EPHA6: variants seen among roughly 807,000 people sequenced by gnomAD.
The protein encoded by EPHA6 is EPH receptor A6.
In EPHA6, 50 loss-of-function variants were observed where a neutral mutation model predicts 112.0. The ratio of observed to expected loss-of-function variants is 0.45; its 90% CI spans 0.36 to 0.56. The LOEUF (loss-of-function observed/expected upper bound fraction) is 0.56. EPHA6 is among the 20% of genes least tolerant of loss of function. The pLI, the probability that EPHA6 is intolerant of heterozygous loss-of-function variation, is 0.00. For synonymous variants in EPHA6, 529 were observed against 490.7 expected (o/e 1.08, Z -1.03); for missense variants, 1,280 against 1,417.4 (o/e 0.90, Z 1.56).
intron 3 of EPHA6, among the ~76,000 whole-genome samples, chr3:97,146,380 A>G (rs1346632037): frequency 1.3e-5 from 2 of 151,860 alleles, no homozygotes; most frequent in African/African-American, 2.4e-5. Flanking sequence ...ACTTAGTTCT[A>G]TTATTTCCAA....
At chr3:97,554,858 G>T (rs546558044) in intron 11 of EPHA6, among the ~76,000 whole-genome samples, 4 of 151,904 alleles carry the variant, frequency 2.6e-5, no homozygotes, top group Non-Finnish European at 5.9e-5. Flanking sequence ...TGCTAAACTT[G>T]GAGTGACTGC....
At chr3:97,281,218 TG>T (rs1156719421) in intron 5 of EPHA6, among the ~76,000 whole-genome samples, 2 of 142,662 alleles carry the variant, frequency 1.4e-5, no homozygotes, top group Non-Finnish European at 1.5e-5. Context: ...TGTGTGTGTG[TG>T]TGTGTGTGTG....
chr3:97,008,349 T>G (rs1389927147), intron 3 of EPHA6, among the ~76,000 whole-genome samples: 1 of 152,194 alleles, frequency 6.6e-6, no homozygotes, highest in African/African-American at 2.4e-5. Flanking sequence ...CTTATTTCAG[T>G]AAGGTGGTCT....
At chr3:96,924,673 T>A (rs527908071) in intron 2 of EPHA6, among the ~76,000 whole-genome samples, 3 of 152,240 alleles carry the variant, frequency 2.0e-5, no homozygotes, top group African/African-American at 7.2e-5. Context: ...CAGTACTATG[T>A]AGAATAGGAG....
intron 5 of EPHA6, among the ~76,000 whole-genome samples, chr3:97,338,812 G>A (rs1338597988): frequency 3.9e-5 from 6 of 152,154 alleles, no homozygotes; most frequent in African/African-American, 1.4e-4. Context: ...TGCCAAAAGG[G>A]TGAACAAGAC....
At chr3:97,602,111 A>G (rs913160537) in intron 12 of EPHA6, among the ~76,000 whole-genome samples, 12 of 152,040 alleles carry the variant, frequency 7.9e-5, no homozygotes, top group African/African-American at 2.7e-4. Flanking sequence ...CTGCTCTTTA[A>G]TGTTCTCATA....
At chr3:97,092,888 A>G (rs1215214080) in intron 3 of EPHA6, among the ~76,000 whole-genome samples, 1 of 152,120 alleles carries the variant, frequency 6.6e-6, no homozygotes, top group Non-Finnish European at 1.5e-5. Flanking sequence ...TCTATGGCTT[A>G]ACCAATAAAA....
At chr3:97,089,810 C>A (rs919699280) in intron 3 of EPHA6, among the ~76,000 whole-genome samples, 1 of 152,006 alleles carries the variant, frequency 6.6e-6, no homozygotes, top group African/African-American at 2.4e-5. Context: ...AAACTCTAAC[C>A]ATTTTGAAAG....
At chr3:96,895,549 C>G (rs1331497744) in intron 2 of EPHA6, among the ~76,000 whole-genome samples, 1 of 152,144 alleles carries the variant, frequency 6.6e-6, no homozygotes, top group African/African-American at 2.4e-5. Context: ...CCTTCACATT[C>G]ACTCACCACG....
At chr3:96,979,501 C>T (rs1383197608) in intron 2 of EPHA6, among the ~76,000 whole-genome samples, 2 of 152,244 alleles carry the variant, frequency 1.3e-5, no homozygotes, top group East Asian at 3.9e-4. Flanking sequence ...AATAGTGCCA[C>T]AATAAACATA....
At chr3:97,497,480 C>T (rs1211444375) in intron 10 of EPHA6, among the ~76,000 whole-genome samples, 1 of 151,994 alleles carries the variant, frequency 6.6e-6, no homozygotes, top group Non-Finnish European at 1.5e-5. Context: ...TCTTACTCTC[C>T]TTCCCTCTCA....
intron 3 of EPHA6, among the ~76,000 whole-genome samples, chr3:97,071,716 C>G (rs376407301): frequency 1.3e-5 from 2 of 151,988 alleles, no homozygotes; most frequent in African/African-American, 4.8e-5. Context: ...ACAGCCAAAC[C>G]ATATCACATT....
chr3:97,030,648 A>G (rs1252883773), intron 3 of EPHA6, among the ~76,000 whole-genome samples: 1 of 152,020 alleles, frequency 6.6e-6, no homozygotes, highest in Non-Finnish European at 1.5e-5. Context: ...CATAATTATT[A>G]CCTCATAAAT....
intron 2 of EPHA6, among the ~76,000 whole-genome samples, chr3:96,977,880 T>A (rs2042595544): frequency 6.6e-6 from 1 of 152,172 alleles, no homozygotes; most frequent in South Asian, 2.1e-4. Context: ...TAATCATAGC[T>A]GGGCATGCTG....
At chr3:97,172,066 G>A (rs2076718248) in intron 3 of EPHA6, among the ~76,000 whole-genome samples, 1 of 151,992 alleles carries the variant, frequency 6.6e-6, no homozygotes, top group Non-Finnish European at 1.5e-5. Flanking sequence ...ATGAAATGAT[G>A]AGGGGAAGCC....
chr3:96,862,997 C>G (rs2036094477), intron 1 of EPHA6, among the ~76,000 whole-genome samples: 1 of 151,870 alleles, frequency 6.6e-6, no homozygotes, highest in African/African-American at 2.4e-5. Context: ...AAATTGTATG[C>G]AGTTACACAG....
intron 5 of EPHA6, among the ~76,000 whole-genome samples, chr3:97,280,301 T>C (rs1169106977): frequency 1.3e-5 from 2 of 152,252 alleles, no homozygotes; most frequent in Non-Finnish European, 2.9e-5. Context: ...TAAATGATTG[T>C]TGTAAAGATT....
intron 14 of EPHA6, among the ~76,000 whole-genome samples, chr3:97,646,891 A>G (rs936372877): frequency 2.6e-5 from 4 of 152,170 alleles, no homozygotes; most frequent in African/African-American, 9.7e-5. Context: ...TAGTCTTGAT[A>G]TGAATGCTCC....
At chr3:97,004,344 C>A (rs138205053) in intron 3 of EPHA6, among the ~76,000 whole-genome samples, 2 of 152,252 alleles carry the variant, frequency 1.3e-5, no homozygotes, top group Non-Finnish European at 2.9e-5. Context: ...TTCTGACTGG[C>A]ATGATAAGGT....
Sources: allele counts gnomAD v4.1 joint callset (sites outside exome capture counted in the v4.1 genomes callset), GRCh38; gene constraint gnomAD v4.1.1; transcripts MANE v1.5; gene names NCBI Gene and HGNC (gene_info 2026-07-23, HGNC 2026-07-21).